KLHL8: variants seen among roughly 807,000 people sequenced by gnomAD.
KLHL8 encodes the protein kelch-like protein 8.
KLHL8 carries 38 observed loss-of-function variants against 63.5 expected under a neutral mutation model. The observed-to-expected ratio is 0.60, with a 90% CI of 0.46 to 0.78. The LOEUF (loss-of-function observed/expected upper bound fraction) is 0.78. KLHL8 is among the 30% of genes least tolerant of loss of function. The pLI is 0.00. For missense variants in KLHL8, 566 were observed against 752.4 expected, an observed-to-expected ratio of 0.75 and a Z score of 2.90; for synonymous variants, 224 against 254.3, an observed-to-expected ratio of 0.88 and a Z score of 1.13.
At chr4:87,196,519 T>C (rs1021639973) in intron 1 of KLHL8, among the ~76,000 whole-genome samples, 1 of 152,162 alleles carries the variant, frequency 6.6e-6, no homozygotes, top group African/African-American at 2.4e-5. Context: ...AAAATAGAGA[T>C]ACCACTTAAG....
chr4:87,160,110 T>G lies in KLHL8; in HGVS notation c.*3409A>C, dbSNP rs1730103315. ...AGACCTTTTAGAGAGAAGTTTGTGC[T>G]AATAGAAATATGCAATGTATTTTAA... On this transcript the variant is annotated 3_prime_UTR_variant, in exon 10 of 10. Transcript: ENST00000273963. The G allele has an allele frequency of 6.6e-6, 1 of 152,170 alleles. No individual in the cohort carries two copies. The highest frequency in any genetic ancestry group is 2.4e-5 in the African/African-American group (1 of 41,446). The allele number at this position is 152,170 out of a possible 1,614,324, so 9.4% of individuals were successfully genotyped here.
intron 1 of KLHL8, among the ~76,000 whole-genome samples, chr4:87,216,050 C>A (rs1011806845): frequency 1.4e-4 from 21 of 152,166 alleles, no homozygotes; most frequent in Admixed American, 2.0e-4. Flanking sequence ...TTAGAATAAA[C>A]AAGCCAAATT....
intron 1 of KLHL8, among the ~76,000 whole-genome samples, chr4:87,201,161 T>C (rs1222449898): frequency 6.6e-6 from 1 of 152,128 alleles, no homozygotes; most frequent in Non-Finnish European, 1.5e-5. Flanking sequence ...ATCATTTCAG[T>C]TTTGCAAGAT....
chr4:87,191,023 T>A (rs1731464442), intron 2 of KLHL8, among the ~76,000 whole-genome samples: 2 of 152,174 alleles, frequency 1.3e-5, no homozygotes, highest in Admixed American at 1.3e-4. Flanking sequence ...CCTTTATAAA[T>A]AAGAACATCC....
chr4:87,190,668 G>A (rs1354356528), intron 2 of KLHL8, among the ~76,000 whole-genome samples: 1 of 150,498 alleles, frequency 6.6e-6, no homozygotes, highest in Non-Finnish European at 1.5e-5. Flanking sequence ...AAAGCTTACT[G>A]TTTAGTCTAT....
At chr4:87,193,755 C>T (rs1468073131) in intron 2 of KLHL8, among the ~76,000 whole-genome samples, 1 of 152,170 alleles carries the variant, frequency 6.6e-6, no homozygotes, top group Non-Finnish European at 1.5e-5. Flanking sequence ...TGTGCTAGGA[C>T]ATTATGATAG....
At chr4:87,226,752 ATAT>A (rs1560723513) in intron 1 of KLHL8, among the ~76,000 whole-genome samples, 1 of 21,408 alleles carries the variant, frequency 4.7e-5, no homozygotes, top group Non-Finnish European at 7.1e-5. Flanking sequence ...TATATAATAT[ATAT>A]TATTTATATA....
upstream of KLHL8, among the ~76,000 whole-genome samples, chr4:87,221,713 A>AT (rs1732859569): frequency 6.6e-6 from 1 of 152,124 alleles, no homozygotes; most frequent in African/African-American, 2.4e-5. Context: ...TGCATCTTCT[A>AT]TAAAAACCCC....
chr4:87,228,191 G>A (rs971080924), intron 1 of KLHL8, among the ~76,000 whole-genome samples: 1 of 152,160 alleles, frequency 6.6e-6, no homozygotes, highest in Non-Finnish European at 1.5e-5. Context: ...TCATTTGGCT[G>A]ATACTGATTT....
chr4:87,224,834 C>A (rs1732943909), upstream of KLHL8, among the ~76,000 whole-genome samples: 1 of 152,142 alleles, frequency 6.6e-6, no homozygotes. Flanking sequence ...TGCAATCAGC[C>A]TGACATAGGT....
intron 6 of KLHL8, among the ~76,000 whole-genome samples, chr4:87,174,679 G>A (rs1287487413): frequency 6.6e-6 from 1 of 152,096 alleles, no homozygotes; most frequent in Non-Finnish European, 1.5e-5. Flanking sequence ...CTCTGACACA[G>A]AGACAGAATT....
At chr4:87,169,267 T>C (rs909694405) in intron 8 of KLHL8, among the ~76,000 whole-genome samples, 2 of 152,118 alleles carry the variant, frequency 1.3e-5, no homozygotes, top group South Asian at 4.1e-4. Flanking sequence ...ATCATACCAC[T>C]GCACTCCAGC....
intron 2 of KLHL8, among the ~76,000 whole-genome samples, chr4:87,190,644 TA>T (rs34153862): frequency 0.73 from 104,597 of 142,960 alleles, 37,748 homozygotes; most frequent in South Asian, 0.85. Context: ...ACTCTGTCTT[TA>T]AAAAAAAAAA....
At position 87,164,005 on chromosome 4, in the gene KLHL8, C is replaced by T. The variant is rs1730278396; in HGVS notation, c.1612G>A (p.Ala538Thr). 2 of 1,614,164 alleles carry T rather than the reference C, an allele frequency of 1.2e-6. No individual in the cohort carries two copies. The highest frequency in any genetic ancestry group is 1.7e-6 in the Non-Finnish European group (2 of 1,180,012). The change falls in exon 9 of 10, where the codon GCA becomes ACA. Residue 538 changes from alanine (A) to threonine (T), a missense_variant. Coordinates refer to ENST00000273963, the MANE Select transcript of KLHL8 (RefSeq NM_020803.5). ...DPRSNKWDYVAALTTPRGGVG... is the reference protein window; with the variant it reads ...DPRSNKWDYVTALTTPRGGVG... ...CCACCTCTGGGAGTAGTAAGTGCTGCCACATAATCCCACTTGTTGCTTCGG... is the reference window on the plus strand; with the variant it reads ...CCACCTCTGGGAGTAGTAAGTGCTGTCACATAATCCCACTTGTTGCTTCGG...
intron 6 of KLHL8, among the ~76,000 whole-genome samples, chr4:87,173,081 A>G (rs1353716856): frequency 6.6e-6 from 1 of 152,058 alleles, no homozygotes; most frequent in Non-Finnish European, 1.5e-5. Flanking sequence ...GACCACTTTC[A>G]TGCTCTTTGC....
intron 9 of KLHL8, 113 bp downstream of exon 9, chr4:87,163,765 T>C (rs569730980): frequency 2.4e-5 from 37 of 1,521,164 alleles, no homozygotes; most frequent in Non-Finnish European, 3.0e-5. Flanking sequence ...CAGTGGGAGA[T>C]AAGATATCCC....
At chr4:87,194,261 C>A (rs1731605250) in intron 2 of KLHL8, among the ~76,000 whole-genome samples, 1 of 152,310 alleles carries the variant, frequency 6.6e-6, no homozygotes, top group East Asian at 1.9e-4. Flanking sequence ...CAGTGTTCAT[C>A]CCCTCTGGAG....
In KLHL8 at chr4:87,236,774, C is replaced by T. The variant is rs544916029; in HGVS notation, n.57+3484G>A. The stretch of plus-strand genomic sequence containing the variant: ...CTACCTCCCGGGTTCAAGCGTTTCT[C>T]CTGCCTCAGCCTCCCAAGTAGCTGG... On this transcript the variant is annotated intron_variant and non_coding_transcript_variant, in intron 1 of 1. Coordinates refer to the KLHL8 transcript ENST00000506274. Among the ~76,000 whole-genome samples, 27 of 150,204 alleles carry T rather than the reference C, an allele frequency of 1.8e-4. 1 individual carries two copies. In the South Asian group the frequency reaches 5.3e-3, roughly 29 times the overall value.
intron 9 of KLHL8, 94 bp from the exon 10 acceptor site, chr4:87,163,736 T>C: frequency 6.4e-7 from 1 of 1,562,890 alleles, no homozygotes. Context: ...GAGACTGGTT[T>C]TGTAGGACAG....
Sources: allele counts gnomAD v4.1 joint callset (sites outside exome capture counted in the v4.1 genomes callset), GRCh38; gene constraint gnomAD v4.1.1; transcripts MANE v1.5; gene names NCBI Gene and HGNC (gene_info 2026-07-23, HGNC 2026-07-21).